RNF130: variants seen among roughly 807,000 people sequenced by gnomAD.
RNF130 encodes ring finger protein 130.
Under a neutral mutation model 44.6 loss-of-function variants are expected in RNF130, and 21 were observed. That is an observed-to-expected ratio of 0.47 (90% confidence interval 0.33 to 0.68). The LOEUF (loss-of-function observed/expected upper bound fraction) is 0.68. RNF130 is among the 30% of genes least tolerant of loss of function. The pLI is 0.02. For missense variants in RNF130, 479 were observed against 560.6 expected, an observed-to-expected ratio of 0.85 and a Z score of 1.47; for synonymous variants, 214 against 210.4, an observed-to-expected ratio of 1.02 and a Z score of -0.15.
At position 179,941,563 on chromosome 5, in the gene RNF130, C is replaced by T. The variant is rs79936788; in HGVS notation, c.1151-21137G>A. ...GACTGCTTGAGCTCTCCTTCTCTCTCGGTCTTTGGGCCATCACTTTCTAGT... is the reference window on the plus strand; with the variant it reads ...GACTGCTTGAGCTCTCCTTCTCTCTTGGTCTTTGGGCCATCACTTTCTAGT... On this transcript the variant is annotated intron_variant, in intron 7 of 7. Transcript: ENST00000522208. Among the ~76,000 whole-genome samples the T allele has an allele frequency of 1.8e-3, 269 of 152,168 alleles. 5 individuals carry two copies. In the East Asian group the frequency reaches 0.034, roughly 19 times the overall value.
In RNF130 at chr5:180,059,031, TC is replaced by T. The variant is rs1171745334; in HGVS notation, c.247+12424del. On this transcript the variant is annotated intron_variant, in intron 1 of 8. Coordinates refer to ENST00000521389, the MANE Select transcript of RNF130 (RefSeq NM_018434.6). ...CCAACAAAAATCCCTCCAATAGTTT[TC>T]CATTCCTCTTATATAAAGTCCAAAA... Among the ~76,000 whole-genome samples, 9 of 152,176 alleles carry T rather than the reference TC, an allele frequency of 5.9e-5. No homozygotes were observed. The East Asian group carries it at 1.7e-3, about 29-fold the overall frequency.
chr5:179,963,513 C>CA lies in RNF130; in HGVS notation c.1201dup (p.Cys401LeufsTer10). On this transcript the variant is annotated frameshift_variant, in exon 8 of 9. Coordinates refer to ENST00000521389, the MANE Select transcript of RNF130 (RefSeq NM_018434.6). LOFTEE classifies it high-confidence loss of function. ...AGCTGTGGCTCTGATGATCATGTAG[C>CA]AGAGTGTGAGGGCACTGAGGAGGCC... The CA allele has an allele frequency of 6.2e-7, 1 of 1,614,050 alleles. No individual in the cohort carries two copies. The highest frequency in any genetic ancestry group is 8.5e-7 in the Non-Finnish European group (1 of 1,179,932).
chr5:179,930,150 C>T (rs547798293), intron 7 of RNF130, among the ~76,000 whole-genome samples: 8 of 152,220 alleles, frequency 5.3e-5, no homozygotes, highest in East Asian at 1.9e-4. Context: ...CTCTGCCCCC[C>T]GGGTTCAAGC....
intron 1 of RNF130, among the ~76,000 whole-genome samples, chr5:180,042,524 G>A (rs567664447): frequency 2.6e-5 from 4 of 152,246 alleles, no homozygotes; most frequent in African/African-American, 9.6e-5. Context: ...TTAAAATCCT[G>A]AAACAGATTG....
chr5:180,026,979 C>G (rs578059038), intron 2 of RNF130, among the ~76,000 whole-genome samples: 2 of 152,302 alleles, frequency 1.3e-5, no homozygotes, highest in East Asian at 3.9e-4. Context: ...CTGAAGACTG[C>G]AGGAGCCTTG....
At chr5:180,047,563 G>A (rs761966504) in intron 1 of RNF130, among the ~76,000 whole-genome samples, 2 of 152,072 alleles carry the variant, frequency 1.3e-5, no homozygotes, top group African/African-American at 2.4e-5. Context: ...TGACCAACAT[G>A]GTGAAACCCT....
At chr5:179,990,436 T>C (rs1298855316) in intron 3 of RNF130, among the ~76,000 whole-genome samples, 1 of 152,184 alleles carries the variant, frequency 6.6e-6, no homozygotes, top group Non-Finnish European at 1.5e-5. Flanking sequence ...GTGTACAGGA[T>C]GGAACATGAG....
intron 3 of RNF130, among the ~76,000 whole-genome samples, chr5:179,983,769 C>T (rs1410161797): frequency 6.6e-6 from 1 of 152,220 alleles, no homozygotes; most frequent in African/African-American, 2.4e-5. Context: ...CCACTGAACA[C>T]TGTGTATGTG....
chr5:179,948,600 G>A (rs1762079556), intron 7 of RNF130, among the ~76,000 whole-genome samples: 1 of 152,114 alleles, frequency 6.6e-6, no homozygotes, highest in African/African-American at 2.4e-5. Context: ...GAACCCAGGA[G>A]GTGGAGGTCG....
chr5:180,024,452 T>G (rs1763944495), intron 2 of RNF130, among the ~76,000 whole-genome samples: 1 of 152,068 alleles, frequency 6.6e-6, no homozygotes, highest in Non-Finnish European at 1.5e-5. Flanking sequence ...AAAGTAAAGT[T>G]TTTTTTTAAA....
intron 8 of RNF130, among the ~76,000 whole-genome samples, chr5:179,959,779 C>T (rs2113696854): frequency 6.6e-6 from 1 of 152,320 alleles, no homozygotes; most frequent in African/African-American, 2.4e-5. Context: ...TTCTGGTGGA[C>T]CTGCTACAAG....
chr5:180,031,176 A>T (rs1029905915), intron 2 of RNF130, among the ~76,000 whole-genome samples: 14 of 152,212 alleles, frequency 9.2e-5, no homozygotes, highest in African/African-American at 3.4e-4. Context: ...GCTTTTGGTC[A>T]ACAGCAAGCT....
At chr5:179,931,688 T>C (rs557274816) in intron 7 of RNF130, among the ~76,000 whole-genome samples, 33 of 151,172 alleles carry the variant, frequency 2.2e-4, no homozygotes, top group African/African-American at 8.0e-4. Flanking sequence ...GGCAGGAGAA[T>C]TGCTTGAACC....
At chr5:179,939,222 T>A (rs1761940201) in intron 7 of RNF130, among the ~76,000 whole-genome samples, 1 of 151,772 alleles carries the variant, frequency 6.6e-6, no homozygotes, top group African/African-American at 2.4e-5. Flanking sequence ...GTCTCAAAAA[T>A]AAATAAATAA....
At position 180,071,545 on chromosome 5, in the gene RNF130, G is replaced by T. The variant is rs943909696; in HGVS notation, c.158C>A (p.Thr53Lys). Residue 53 changes from threonine (T) to lysine (K), a missense_variant, in exon 1 of 9, where the codon ACG becomes AAG. Physicochemically the swap from Thr to Lys is moderately conservative, Grantham distance 78 (BLOSUM62 -1). Coordinates refer to ENST00000521389, the MANE Select transcript of RNF130 (RefSeq NM_018434.6). ...VQEPGRGAPL[T>K]FRIDRGRYGL... Reference sequence around the variant, plus strand: ...GTAGCGCCCGCGGTCGATGCGAAACGTGAGCGGGGCGCCGCGGCCGGGCTC... The same window carrying T: ...GTAGCGCCCGCGGTCGATGCGAAACTTGAGCGGGGCGCCGCGGCCGGGCTC... 2.1e-6 allele frequency: 3 copies of T among 1,412,434 alleles called. No individual in the cohort carries two copies. Among genetic ancestry groups the T allele is most frequent in the Non-Finnish European group, 2.8e-6 (3 of 1,074,648 alleles). 87.5% of individuals were successfully genotyped at this position (1,412,434 alleles called of 1,614,324 possible). A position where few individuals can be genotyped will look rare whatever the true frequency, so the allele number is the denominator to read the frequency against.
At chr5:180,024,915 C>T (rs890775647) in intron 2 of RNF130, among the ~76,000 whole-genome samples, 10 of 152,174 alleles carry the variant, frequency 6.6e-5, no homozygotes. Flanking sequence ...TGTCTGGAAG[C>T]CCTGTGGGAG....
chr5:179,959,120 G>A (rs774377806), intron 8 of RNF130, among the ~76,000 whole-genome samples: 33 of 152,080 alleles, frequency 2.2e-4, no homozygotes, highest in African/African-American at 7.2e-4. Flanking sequence ...CAGGCAATAC[G>A]GGTAAAAGAG....
intron 2 of RNF130, among the ~76,000 whole-genome samples, chr5:180,029,331 C>T (rs1764068682): frequency 6.6e-6 from 1 of 152,120 alleles, no homozygotes; most frequent in Admixed American, 6.6e-5. Context: ...TAATGTTTTT[C>T]TAAGGTGATG....
chr5:180,007,272 A>G (rs925751825), intron 3 of RNF130, among the ~76,000 whole-genome samples: 61 of 152,246 alleles, frequency 4.0e-4, no homozygotes, highest in African/African-American at 1.4e-3. Flanking sequence ...ATGGTGACAC[A>G]CATCTTTAGT....
Sources: gnomAD v4.1 joint callset for allele counts (sites outside exome capture counted in the v4.1 genomes callset) on GRCh38, gnomAD v4.1.1 for gene constraint, MANE v1.5 for transcripts, NCBI Gene and HGNC (gene_info 2026-07-23, HGNC 2026-07-21) for gene names.